The following NTM variants were observed in gnomAD, a reference collection of about 807,000 sequenced individuals.
NTM encodes IgLON family member 2.
A neutral mutation model predicts 42.1 loss-of-function variants in NTM; 13 were observed. The observed-to-expected ratio is 0.31, with a 90% confidence interval of 0.20 to 0.49. The LOEUF (loss-of-function observed/expected upper bound fraction) is 0.49, where lower values mean the gene tolerates loss of function less well. Among genes scored for constraint, NTM ranks in the 20% least tolerant of loss-of-function variants. NTM has a pLI of 0.99. For missense variants in NTM, 373 were observed against 452.8 expected (o/e 0.82, Z 1.60); for synonymous variants, 187 against 179.2 (o/e 1.04, Z -0.35).
intron 2 of NTM, among the ~76,000 whole-genome samples, chr11:132,076,269 G>T (rs1276294794): frequency 6.6e-6 from 1 of 152,154 alleles, no homozygotes; most frequent in Non-Finnish European, 1.5e-5. Flanking sequence ...TATTACTGCT[G>T]CAACAACTCA....
chr11:132,107,986 T>C (rs905452111), intron 2 of NTM, among the ~76,000 whole-genome samples: 2 of 152,154 alleles, frequency 1.3e-5, no homozygotes, highest in African/African-American at 4.8e-5. Flanking sequence ...TGATAGAAAG[T>C]CCCACACAAA....
At chr11:131,660,968 TG>T (rs1328379525) in intron 1 of NTM, 2 of 1,304,130 alleles carry the variant, frequency 1.5e-6, no homozygotes, top group Middle Eastern at 2.1e-4. Flanking sequence ...AAGGCAAAGT[TG>T]GATGTTTTTA....
At chr11:132,004,632 T>A (rs570448486) in intron 2 of NTM, among the ~76,000 whole-genome samples, 14,726 of 142,944 alleles carry the variant, frequency 0.1, 1,358 homozygotes, top group African/African-American at 0.26. Flanking sequence ...TCTCTCTCTC[T>A]CTCACACACA....
chr11:131,504,636 T>C (rs1255133121), intron 1 of NTM, among the ~76,000 whole-genome samples: 2 of 152,114 alleles, frequency 1.3e-5, no homozygotes, highest in Non-Finnish European at 2.9e-5. Flanking sequence ...TCTAGGCTTG[T>C]CTACCTCGAC....
intron 2 of NTM, among the ~76,000 whole-genome samples, chr11:131,944,722 A>G (rs1438383550): frequency 6.6e-6 from 1 of 152,150 alleles, no homozygotes; most frequent in Non-Finnish European, 1.5e-5. Context: ...AGTTTCATGA[A>G]TTATTTATTT....
At chr11:131,771,361 C>T (rs1317802011) in intron 1 of NTM, 1 of 152,096 alleles carries the variant, frequency 6.6e-6, no homozygotes, top group Non-Finnish European at 1.5e-5. Context: ...AATGAAGATG[C>T]CAGGGTTTTA....
intron 2 of NTM, among the ~76,000 whole-genome samples, chr11:131,941,557 A>G (rs2059794995): frequency 6.6e-6 from 1 of 152,194 alleles, no homozygotes; most frequent in South Asian, 2.1e-4. Context: ...AGCACCTGGA[A>G]GGCAGGGTGT....
chr11:131,847,467 T>A (rs976317062), intron 1 of NTM, among the ~76,000 whole-genome samples: 1 of 152,172 alleles, frequency 6.6e-6, no homozygotes, highest in African/African-American at 2.4e-5. Flanking sequence ...GGATAGGTCC[T>A]GCTTTCGGGA....
intron 1 of NTM, among the ~76,000 whole-genome samples, chr11:131,533,113 T>C (rs549643142): frequency 8.5e-5 from 13 of 152,302 alleles, no homozygotes; most frequent in Non-Finnish European, 1.8e-4. Flanking sequence ...TTCTTGTTCT[T>C]ATACATTTTC....
At chr11:131,862,285 C>T (rs1387619065) in intron 1 of NTM, among the ~76,000 whole-genome samples, 1 of 152,058 alleles carries the variant, frequency 6.6e-6, no homozygotes, top group African/African-American at 2.4e-5. Flanking sequence ...AGTTTGAGCC[C>T]GACTTAAAGA....
chr11:132,276,329 C>T (rs1591682006), intron 4 of NTM, among the ~76,000 whole-genome samples: 1 of 152,142 alleles, frequency 6.6e-6, no homozygotes, highest in Admixed American at 6.5e-5. Context: ...CTTTGACATG[C>T]TGATTTCATT....
At chr11:132,031,735 A>T (rs2075947170) in intron 2 of NTM, among the ~76,000 whole-genome samples, 2 of 152,194 alleles carry the variant, frequency 1.3e-5, no homozygotes, top group Non-Finnish European at 2.9e-5. Context: ...CTCAGGACAG[A>T]GGTGCAGGCT....
chr11:131,909,146 G>A (rs541165748), intron 1 of NTM, among the ~76,000 whole-genome samples: 216 of 152,308 alleles, frequency 1.4e-3, no homozygotes, highest in African/African-American at 4.8e-3. Context: ...GGCTAAGCAC[G>A]TCCTAGTCAA....
chr11:132,141,651 T>C (rs1170549272), intron 2 of NTM, among the ~76,000 whole-genome samples: 3 of 152,126 alleles, frequency 2.0e-5, no homozygotes, highest in Non-Finnish European at 4.4e-5. Context: ...CCCTCAATAA[T>C]CCCTGCTCAA....
chr11:131,563,422 T>C (rs923736783), intron 1 of NTM, among the ~76,000 whole-genome samples: 5 of 152,150 alleles, frequency 3.3e-5, no homozygotes, highest in Non-Finnish European at 7.3e-5. Context: ...AAAATCTTCC[T>C]ATTTTACCAT....
intron 1 of NTM, among the ~76,000 whole-genome samples, chr11:131,433,078 C>T (rs1229530102): frequency 1.3e-5 from 2 of 151,808 alleles, no homozygotes; most frequent in Non-Finnish European, 2.9e-5. Flanking sequence ...AGGATGTTCT[C>T]GATCTCCTGA....
rs1555127409 is a variant in NTM, at chr11:131,789,494, A to AAGAAGAAGAAGAAAGAAG, written c.83-122069_83-122068insGAAGAAGAAGAAAGAAGA. On this transcript the variant is annotated intron_variant, in intron 1 of 8. Transcript: ENST00000683400. Reference sequence around the variant, plus strand: ...GAAGAAGAAGAAGAAGAAGAAGAGGAAAGAAGAAGAAGAAGAAGAAGAAGA... The same window carrying AAGAAGAAGAAGAAAGAAG: ...GAAGAAGAAGAAGAAGAAGAAGAGGAAGAAGAAGAAGAAAGAAGAAGAAGAAGAAGAAGAAGAAGAAGA... Among the ~76,000 whole-genome samples the AAGAAGAAGAAGAAAGAAG allele has an allele frequency of 5.2e-4, 2 of 3,860 alleles. 1 individual carries two copies. The highest frequency in any genetic ancestry group is 9.7e-4 in the Non-Finnish European group (2 of 2,054). The allele number at this position is 3,860 out of a possible 152,430, so 2.5% of individuals were successfully genotyped here.
At chr11:131,628,304 C>T (rs753032628) in intron 1 of NTM, among the ~76,000 whole-genome samples, 14 of 152,332 alleles carry the variant, frequency 9.2e-5, no homozygotes, top group Middle Eastern at 3.4e-3. Flanking sequence ...CTGTTTTTCT[C>T]ATTTGCAAAA....
chr11:131,591,198 G>C (rs961761827), intron 1 of NTM, among the ~76,000 whole-genome samples: 1 of 152,182 alleles, frequency 6.6e-6, no homozygotes, highest in African/African-American at 2.4e-5. Flanking sequence ...TTCTCTGCTC[G>C]CTGCTCTCAT....
Sources: allele counts gnomAD v4.1 joint callset (sites outside exome capture counted in the v4.1 genomes callset), GRCh38; gene constraint gnomAD v4.1.1; transcripts MANE v1.5; gene names NCBI Gene and HGNC (gene_info 2026-07-23, HGNC 2026-07-21).